Variants in RAP1A observed in about 807,000 individuals in gnomAD.
RAP1A encodes ras-related protein Rap-1A.
In RAP1A, 6 loss-of-function variants were observed where a neutral mutation model predicts 26.4. The observed-to-expected ratio is 0.23, with a 90% CI of 0.12 to 0.45. The LOEUF (loss-of-function observed/expected upper bound fraction) is 0.45, where lower values mean the gene tolerates loss of function less well. Ranked by LOEUF, RAP1A falls within the 20% of genes least tolerant of loss-of-function variation. RAP1A has a pLI of 0.99. For missense variants in RAP1A, 121 were observed against 217.2 expected, an observed-to-expected ratio of 0.56 and a Z score of 2.78; for synonymous variants, 73 against 79.4, an observed-to-expected ratio of 0.92 and a Z score of 0.43.
intron 1 of RAP1A, among the ~76,000 whole-genome samples, chr1:111,591,954 C>T (rs1395218487): frequency 6.6e-6 from 1 of 152,208 alleles, no homozygotes; most frequent in South Asian, 2.1e-4. Flanking sequence ...AAGTTCAGAG[C>T]CCCATTTTGG....
chr1:111,696,608 A>G (rs1661837124), intron 3 of RAP1A, among the ~76,000 whole-genome samples: 1 of 152,194 alleles, frequency 6.6e-6, no homozygotes, highest in African/African-American at 2.4e-5. Context: ...ATTTATTTTT[A>G]GAAGACAGTG....
At chr1:111,686,956 C>G (rs1341335696) in intron 1 of RAP1A, among the ~76,000 whole-genome samples, 1 of 151,750 alleles carries the variant, frequency 6.6e-6, no homozygotes, top group Non-Finnish European at 1.5e-5. Flanking sequence ...GCAACTGTGA[C>G]TTTGTTGCCA....
At chr1:111,545,964 A>C (rs1437090339) in intron 1 of RAP1A, among the ~76,000 whole-genome samples, 1 of 152,152 alleles carries the variant, frequency 6.6e-6, no homozygotes, top group African/African-American at 2.4e-5. Flanking sequence ...TTTCGGTTTA[A>C]TTCAGTTAGT....
intron 1 of RAP1A, among the ~76,000 whole-genome samples, chr1:111,688,808 G>GTTTTTTTTTTTT (rs753016302): frequency 1.3e-4 from 16 of 124,136 alleles, no homozygotes; most frequent in Non-Finnish European, 1.8e-4. Flanking sequence ...TTTTGTTTTT[G>GTTTTTTTTTTTT]TTTTTTTTTT....
At chr1:111,691,672 G>A (rs766546960) in intron 2 of RAP1A, among the ~76,000 whole-genome samples, 15 of 152,182 alleles carry the variant, frequency 9.9e-5, no homozygotes, top group Non-Finnish European at 1.2e-4. Flanking sequence ...ATGATGCAGA[G>A]AGGAGTAAGA....
intron 1 of RAP1A, among the ~76,000 whole-genome samples, chr1:111,623,077 G>A (rs1180886476): frequency 6.6e-6 from 1 of 151,922 alleles, no homozygotes; most frequent in Non-Finnish European, 1.5e-5. Flanking sequence ...GTGTGCAGTG[G>A]TGCAATCTTG....
intron 1 of RAP1A, among the ~76,000 whole-genome samples, chr1:111,642,977 G>C (rs1337584265): frequency 6.7e-6 from 1 of 150,256 alleles, no homozygotes; most frequent in Non-Finnish European, 1.5e-5. Flanking sequence ...TCACCGTGTT[G>C]GTCAGGCTGG....
chr1:111,614,710 G>T (rs926878547), intron 1 of RAP1A, among the ~76,000 whole-genome samples: 1 of 152,204 alleles, frequency 6.6e-6, no homozygotes, highest in Non-Finnish European at 1.5e-5. Context: ...TGATGTTACT[G>T]TTAGAGTTAG....
intron 1 of RAP1A, among the ~76,000 whole-genome samples, chr1:111,655,061 C>G (rs906380596): frequency 2.0e-5 from 3 of 151,594 alleles, no homozygotes; most frequent in African/African-American, 4.9e-5. Flanking sequence ...AGACCATAGA[C>G]CAAGTAGTTA....
At chr1:111,688,847 G>A (rs1056454456) in intron 1 of RAP1A, among the ~76,000 whole-genome samples, 20 of 86,048 alleles carry the variant, frequency 2.3e-4, no homozygotes, top group African/African-American at 7.1e-4. Context: ...TTTTTGTTTT[G>A]TTTTTGAGAC....
chr1:111,700,834 T>C (rs1662000393), intron 4 of RAP1A, among the ~76,000 whole-genome samples: 1 of 152,192 alleles, frequency 6.6e-6, no homozygotes, highest in Non-Finnish European at 1.5e-5. Context: ...TGTTATATTA[T>C]GTGTACATCC....
chr1:111,710,250 T>A (rs1474383283), intron 7 of RAP1A, among the ~76,000 whole-genome samples: 1 of 152,146 alleles, frequency 6.6e-6, no homozygotes. Context: ...CAAATAAAGG[T>A]TTTCTATTTG....
chr1:111,709,244 TCAG>T lies in RAP1A; in HGVS notation c.*17_*19del, dbSNP rs1557900560. 2 of 1,603,904 alleles carry T rather than the reference TCAG, an allele frequency of 1.2e-6. No individual in the cohort carries two copies. Among genetic ancestry groups the T allele is most frequent in the South Asian group, 1.1e-5 (1 of 89,152 alleles). ...CATGTCTGCTGCTCTAGGCCCATAG[TCAG>T]CAGCAGCTCTGAGCCAGGTAAGATG... is the stretch of plus-strand genomic sequence containing the variant. On this transcript the variant is annotated 3_prime_UTR_variant, in exon 7 of 8. Coordinates refer to ENST00000369709, the MANE Select transcript of RAP1A (RefSeq NM_002884.4).
chr1:111,677,561 C>T (rs1377328600), intron 1 of RAP1A, among the ~76,000 whole-genome samples: 1 of 152,138 alleles, frequency 6.6e-6, no homozygotes, highest in Non-Finnish European at 1.5e-5. Context: ...AGGCTAAAAT[C>T]AAGATAAGCT....
chr1:111,627,176 A>G (rs1301407551), intron 1 of RAP1A, among the ~76,000 whole-genome samples: 1 of 152,172 alleles, frequency 6.6e-6, no homozygotes, highest in Non-Finnish European at 1.5e-5. Context: ...TAAATTGAAA[A>G]CATCCATGAT....
chr1:111,709,104 T>C (rs754158605), intron 6 of RAP1A, 45 bp from the exon 7 acceptor site: 4 of 1,578,042 alleles, frequency 2.5e-6, no homozygotes, highest in Non-Finnish European at 3.4e-6. Context: ...GAACAAAGTC[T>C]CAAAAACTGG....
At chr1:111,673,295 A>G (rs534590252) in intron 1 of RAP1A, among the ~76,000 whole-genome samples, 23 of 152,362 alleles carry the variant, frequency 1.5e-4, no homozygotes, top group Admixed American at 1.4e-3. Context: ...TATACTGCTT[A>G]AGAAACTACC....
At chr1:111,679,717 G>A (rs1414546278) in intron 1 of RAP1A, among the ~76,000 whole-genome samples, 2 of 152,290 alleles carry the variant, frequency 1.3e-5, no homozygotes, top group Middle Eastern at 3.4e-3. Context: ...AGCTTGGTGG[G>A]AGGTGGGGCG....
chr1:111,708,172 TCAAAA>T (rs986451160), intron 6 of RAP1A, among the ~76,000 whole-genome samples: 11 of 152,304 alleles, frequency 7.2e-5, no homozygotes, highest in East Asian at 5.8e-4. Context: ...AGACTCTGTC[TCAAAA>T]CAAAACAAAC....
Sources: gnomAD v4.1 joint callset for allele counts (sites outside exome capture counted in the v4.1 genomes callset) on GRCh38, gnomAD v4.1.1 for gene constraint, MANE v1.5 for transcripts, NCBI Gene and HGNC (gene_info 2026-07-23, HGNC 2026-07-21) for gene names.